Variants in DDX10 observed in about 807,000 individuals in gnomAD.
DDX10 encodes the protein probable ATP-dependent RNA helicase DDX10.
DDX10 carries 74 observed loss-of-function variants against 104.3 expected under a neutral mutation model. The observed-to-expected ratio is 0.71, with a 90% CI of 0.59 to 0.86. The LOEUF is 0.86. Among genes scored for constraint, DDX10 ranks in the 40% least tolerant of loss-of-function variants. The pLI, the probability that DDX10 is intolerant of heterozygous loss-of-function variation, is 0.00. For missense variants in DDX10, 952 were observed against 1,040.0 expected, an observed-to-expected ratio of 0.92 and a Z score of 1.16; for synonymous variants, 351 against 353.4, an observed-to-expected ratio of 0.99 and a Z score of 0.08.
At chr11:108,890,270 G>A (rs1030917834) in intron 16 of DDX10, among the ~76,000 whole-genome samples, 1 of 152,150 alleles carries the variant, frequency 6.6e-6, no homozygotes, top group Non-Finnish European at 1.5e-5. Flanking sequence ...TACGATAATA[G>A]CCTATAAGTA....
intron 8 of DDX10, among the ~76,000 whole-genome samples, chr11:108,692,771 T>G (rs1050159045): frequency 9.9e-5 from 15 of 152,190 alleles, no homozygotes; most frequent in African/African-American, 3.1e-4. Context: ...TAGTATAGGC[T>G]GGAGTACAGT....
chr11:108,666,349 G>A (rs549449353), intron 1 of DDX10, among the ~76,000 whole-genome samples: 21 of 152,266 alleles, frequency 1.4e-4, no homozygotes, highest in African/African-American at 4.6e-4. Context: ...GCCTAGTGGT[G>A]GGTGCCTGTA....
At chr11:108,790,242 A>C (rs1192464552) in intron 13 of DDX10, among the ~76,000 whole-genome samples, 1 of 152,160 alleles carries the variant, frequency 6.6e-6, no homozygotes, top group East Asian at 1.9e-4. Context: ...GTTCACTATC[A>C]TTACTTAAAA....
intron 13 of DDX10, among the ~76,000 whole-genome samples, chr11:108,756,970 A>G (rs2094345125): frequency 6.6e-6 from 1 of 152,178 alleles, no homozygotes; most frequent in Non-Finnish European, 1.5e-5. Flanking sequence ...CCTGACACAC[A>G]ATCTTTCCTG....
intron 15 of DDX10, among the ~76,000 whole-genome samples, 172 bp from the exon 16 acceptor site, chr11:108,851,981 C>A (rs756676843): frequency 1.3e-5 from 2 of 152,166 alleles, no homozygotes; most frequent in African/African-American, 4.8e-5. Context: ...CTGACACATT[C>A]TTAATGATTC....
At chr11:108,675,755 T>C in intron 3 of DDX10, 29 bp downstream of exon 3, 1 of 1,609,204 alleles carries the variant, frequency 6.2e-7, no homozygotes, top group Non-Finnish European at 8.5e-7. Flanking sequence ...GGTCAGACTG[T>C]CTGTTATACA....
intron 11 of DDX10, among the ~76,000 whole-genome samples, chr11:108,717,931 G>T (rs2094293576): frequency 6.6e-6 from 1 of 152,162 alleles, no homozygotes. Flanking sequence ...GGCTGAGGTG[G>T]GTGGATCACT....
At chr11:108,672,441 C>T (rs1331972396) in intron 1 of DDX10, among the ~76,000 whole-genome samples, 1 of 152,210 alleles carries the variant, frequency 6.6e-6, no homozygotes, top group Admixed American at 6.5e-5. Flanking sequence ...ATAAACCGTT[C>T]TTCTAATGCT....
intron 13 of DDX10, among the ~76,000 whole-genome samples, chr11:108,817,903 A>G (rs1263945631): frequency 5.3e-5 from 8 of 152,228 alleles, no homozygotes. Context: ...TGAAAACAAA[A>G]AGAACACCTT....
Position 108,679,522 on chromosome 11 carries a change from C to T in DDX10, c.810C>T (p.Asn270=), listed in dbSNP as rs761204197. 6.2e-7 allele frequency: 1 copy of T among 1,611,966 alleles called. No homozygotes were observed. The highest frequency in any genetic ancestry group is 1.1e-5 in the South Asian group (1 of 90,402). ...ACCTTGCACGCTTGAGTTTGAAAAA[C>T]CCTGAGTATGTCTGGGTTCATGAAA... is the stretch of plus-strand genomic sequence containing the variant. The part of the protein sequence containing the change: ...VKDLARLSLK[N]PEYVWVHEKA... The change falls in exon 6 of 18, where the codon AAC becomes AAT. Residue 270 remains asparagine (N), a synonymous_variant. Coordinates refer to ENST00000322536, the MANE Select transcript of DDX10 (RefSeq NM_004398.4).
chr11:108,747,206 AATT>A (rs1445137484), intron 13 of DDX10, among the ~76,000 whole-genome samples: 1 of 152,150 alleles, frequency 6.6e-6, no homozygotes, highest in Non-Finnish European at 1.5e-5. Context: ...TCACTTAAAA[AATT>A]ATTTTTTGTT....
chr11:108,892,782 T>C (rs1863393389), intron 16 of DDX10, among the ~76,000 whole-genome samples: 1 of 152,332 alleles, frequency 6.6e-6, no homozygotes, highest in Non-Finnish European at 1.5e-5. Flanking sequence ...ACCATTCTTT[T>C]AATGATGAAG....
intron 6 of DDX10, among the ~76,000 whole-genome samples, chr11:108,685,487 G>C (rs900784650): frequency 6.6e-6 from 1 of 151,950 alleles, no homozygotes; most frequent in Non-Finnish European, 1.5e-5. Flanking sequence ...GAAATCACCC[G>C]TCTTCTGCGT....
chr11:108,737,197 C>T (rs995154529), intron 13 of DDX10, among the ~76,000 whole-genome samples: 1 of 152,144 alleles, frequency 6.6e-6, no homozygotes, highest in Admixed American at 6.6e-5. Context: ...TGATCAGAAA[C>T]ATCTATGATT....
intron 13 of DDX10, among the ~76,000 whole-genome samples, chr11:108,795,912 C>A (rs1000185682): frequency 6.6e-6 from 1 of 152,170 alleles, no homozygotes; most frequent in Non-Finnish European, 1.5e-5. Context: ...CTTGAGGAAT[C>A]TCCACACTGT....
chr11:108,711,003 A>G (rs975147745), intron 10 of DDX10, among the ~76,000 whole-genome samples: 3 of 152,150 alleles, frequency 2.0e-5, no homozygotes, highest in Non-Finnish European at 4.4e-5. Context: ...GAGCTCAAGC[A>G]GTCCTCCTGC....
intron 17 of DDX10, among the ~76,000 whole-genome samples, chr11:108,925,900 G>T (rs1337210676): frequency 6.6e-6 from 1 of 152,094 alleles, no homozygotes; most frequent in Non-Finnish European, 1.5e-5. Flanking sequence ...TCTTTCCTTT[G>T]AAGTCATTTG....
chr11:108,769,890 C>A (rs1048282670), intron 13 of DDX10, among the ~76,000 whole-genome samples: 3 of 152,058 alleles, frequency 2.0e-5, no homozygotes, highest in Non-Finnish European at 4.4e-5. Context: ...AAATAATAAA[C>A]TCATAACATG....
chr11:108,811,215 T>C (rs1862175891), intron 13 of DDX10, among the ~76,000 whole-genome samples: 1 of 152,220 alleles, frequency 6.6e-6, no homozygotes, highest in African/African-American at 2.4e-5. Flanking sequence ...TGTATATACA[T>C]TCAATCATCA....
Sources: allele counts gnomAD v4.1 joint callset (sites outside exome capture counted in the v4.1 genomes callset), GRCh38; gene constraint gnomAD v4.1.1; transcripts MANE v1.5; gene names NCBI Gene and HGNC (gene_info 2026-07-23, HGNC 2026-07-21).